IYD: variants seen among roughly 807,000 people sequenced by gnomAD.
IYD encodes the protein iodotyrosine deiodinase.
In IYD, 25 loss-of-function variants were observed where a neutral mutation model predicts 28.4. The observed-to-expected ratio is 0.88, with a 90% CI of 0.64 to 1.23. The LOEUF is 1.23. IYD is among the 50% of genes most tolerant of loss of function. The pLI, the probability that IYD is intolerant of heterozygous loss-of-function variation, is 0.00. For missense variants in IYD, 352 were observed against 357.9 expected, an observed-to-expected ratio of 0.98 and a Z score of 0.13; for synonymous variants, 140 against 130.8, an observed-to-expected ratio of 1.07 and a Z score of -0.48.
chr6:150,395,418 G>A (rs889107442), intron 4 of IYD: 2 of 1,537,106 alleles, frequency 1.3e-6, no homozygotes, highest in Non-Finnish European at 8.7e-7. Flanking sequence ...TATCCTGAAG[G>A]AGCTGGCATT....
intron 1 of IYD, among the ~76,000 whole-genome samples, chr6:150,381,520 A>C (rs768659738): frequency 1.3e-5 from 2 of 152,348 alleles, no homozygotes; most frequent in African/African-American, 4.8e-5. Context: ...CAGCTTAACA[A>C]ATAAGTATTA....
Position 150,376,587 on chromosome 6 carries a change from C to A in IYD, c.178+7378C>A, listed in dbSNP as rs1363400472. 2.0e-5 allele frequency among the ~76,000 whole-genome samples: 3 copies of A among 152,284 alleles called. No homozygotes were observed. The East Asian group carries it at 5.8e-4, about 29-fold the overall frequency. ...GGTTGTCTCTGTCTGCCTGGATTCC[C>A]AGGCAAGGGATCTTAAGACAATTAC... On this transcript the variant is annotated intron_variant, in intron 1 of 4. Transcript: ENST00000344419.
intron 4 of IYD, chr6:150,395,989 AC>A (rs1227101240): frequency 2.9e-6 from 1 of 350,818 alleles, no homozygotes; most frequent in Non-Finnish European, 5.2e-6. Flanking sequence ...AGTCATAGGA[AC>A]TTGCCGTGGT....
chr6:150,375,638 A>G (rs1349208087), intron 1 of IYD, among the ~76,000 whole-genome samples: 1 of 70,170 alleles, frequency 1.4e-5, no homozygotes, highest in Non-Finnish European at 4.3e-5. Flanking sequence ...ATGCTTGATT[A>G]TAACTACTTC....
At position 150,400,955 on chromosome 6, in the gene IYD, T is replaced by C. The variant is rs1377788403; in HGVS notation, c.*2718T>C. ...GTGGATCTGGTGGTAGGTGATATTG[T>C]TAGTGATGTGAGTGATGCCTGCTGA... On this transcript the variant is annotated 3_prime_UTR_variant, in exon 5 of 5. Transcript: ENST00000344419. The C allele has an allele frequency of 6.6e-6, 1 of 152,142 alleles. No individual in the cohort carries two copies. The highest frequency in any genetic ancestry group is 6.5e-5 in the Admixed American group (1 of 15,272). 9.4% of individuals were successfully genotyped at this position (152,142 alleles called of 1,614,324 possible). A position where few individuals can be genotyped will look rare whatever the true frequency, so the allele number is the denominator to read the frequency against.
At position 150,403,907 on chromosome 6, in the gene IYD, G is replaced by T. The variant is rs1778578136; in HGVS notation, c.*5670G>T. ...AATGAGATCATAAAGGAAGTTGTTA[G>T]CTAACCTAGGTGGAGTCGCCAACTT... is the stretch of plus-strand genomic sequence containing the variant. On this transcript the variant is annotated 3_prime_UTR_variant, in exon 5 of 5. Transcript: ENST00000344419. 1 of 152,194 alleles carries T rather than the reference G, an allele frequency of 6.6e-6. No individual in the cohort carries two copies. The highest frequency in any genetic ancestry group is 2.4e-5 in the African/African-American group (1 of 41,450). The allele number at this position is 152,194 out of a possible 1,614,324, so 9.4% of individuals were successfully genotyped here.
At position 150,387,446 on chromosome 6, in the gene IYD, A is replaced by T. The variant is rs556137811; in HGVS notation, c.179-1906A>T. Among the ~76,000 whole-genome samples the T allele has an allele frequency of 8.8e-3, 1,298 of 147,014 alleles. 13 individuals carry two copies. The highest frequency in any genetic ancestry group is 0.028 in the African/African-American group (1,074 of 38,182). On this transcript the variant is annotated intron_variant, in intron 1 of 4. Transcript: ENST00000344419. The stretch of plus-strand genomic sequence containing the variant: ...AGTTCTTGTAAAAAAAAAAAAAAAA[A>T]AAGAATTTACCAGCCCTCTTGAATC...
intron 1 of IYD, among the ~76,000 whole-genome samples, chr6:150,375,365 G>C (rs956323786): frequency 1.3e-5 from 2 of 152,168 alleles, no homozygotes; most frequent in Non-Finnish European, 1.5e-5. Flanking sequence ...GTATTCTCAT[G>C]CTGATTCCAC....
intron 1 of IYD, 43 bp downstream of exon 1, chr6:150,369,252 T>C: frequency 6.3e-7 from 1 of 1,586,984 alleles, no homozygotes; most frequent in Non-Finnish European, 8.6e-7. Context: ...TGTCGTGTTG[T>C]GTTGATGATG....
intron 2 of IYD, among the ~76,000 whole-genome samples, chr6:150,391,733 A>C (rs548609098): frequency 6.6e-6 from 1 of 152,160 alleles, no homozygotes; most frequent in African/African-American, 2.4e-5. Flanking sequence ...TTTGAGACAG[A>C]GTTTCATTCT....
chr6:150,382,966 T>G (rs1285623336), intron 1 of IYD, among the ~76,000 whole-genome samples: 1 of 152,232 alleles, frequency 6.6e-6, no homozygotes, highest in Non-Finnish European at 1.5e-5. Flanking sequence ...TTAATGGTTC[T>G]TATTCATAAC....
intron 1 of IYD, among the ~76,000 whole-genome samples, chr6:150,383,783 A>C (rs1777740962): frequency 7.6e-6 from 1 of 131,186 alleles, no homozygotes; most frequent in African/African-American, 2.9e-5. Flanking sequence ...ACATAATGAG[A>C]CCAAGTCTCT....
chr6:150,379,450 C>T (rs986579595), intron 1 of IYD, among the ~76,000 whole-genome samples: 2 of 152,176 alleles, frequency 1.3e-5, no homozygotes, highest in Non-Finnish European at 2.9e-5. Flanking sequence ...CATGCCATCC[C>T]CTTGGGAATC....
chr6:150,393,929 T>C (rs1468753247), intron 3 of IYD, among the ~76,000 whole-genome samples, 170 bp from the exon 4 acceptor site: 1 of 152,190 alleles, frequency 6.6e-6, no homozygotes, highest in African/African-American at 2.4e-5. Flanking sequence ...AATTGAATGA[T>C]CCTGGTCAGA....
chr6:150,392,497 A>ATT lies in IYD; in HGVS notation c.523_524insTT (p.Lys175IlefsTer3). 6.2e-7 allele frequency: 1 copy of ATT among 1,613,870 alleles called. No homozygotes were observed. The highest frequency in any genetic ancestry group is 1.7e-5 in the Admixed American group (1 of 60,022). Reference sequence around the variant, plus strand: ...ACATCGCTGGGTCACAGACCTCAAGAAACTGAGGTACAAACAGTGGTGGAA... The same window carrying ATT: ...ACATCGCTGGGTCACAGACCTCAAGATTAACTGAGGTACAAACAGTGGTGGAA... On this transcript the variant is annotated frameshift_variant, in exon 3 of 5. Coordinates refer to ENST00000344419, the MANE Select transcript of IYD (RefSeq NM_203395.3). LOFTEE classifies it high-confidence loss of function.
rs1778514167 is a variant in IYD, at chr6:150,401,663, C to G, written c.*3426C>G. 6.6e-6 allele frequency: 1 copy of G among 152,122 alleles called. No individual in the cohort carries two copies. Among genetic ancestry groups the G allele is most frequent in the South Asian group, 2.1e-4 (1 of 4,814 alleles). 9.4% of individuals were successfully genotyped at this position (152,122 alleles called of 1,614,324 possible). A position where few individuals can be genotyped will look rare whatever the true frequency, so the allele number is the denominator to read the frequency against. On this transcript the variant is annotated 3_prime_UTR_variant, in exon 5 of 5. Coordinates refer to ENST00000344419, the MANE Select transcript of IYD (RefSeq NM_203395.3). The stretch of plus-strand genomic sequence containing the variant: ...CTTTTATGTGTTCATTAAATGCAGT[C>G]ATGTGACAACTGTGTTCAAAGTTAG...
chr6:150,398,269 G>T lies in IYD; in HGVS notation c.*32G>T. 6.2e-7 allele frequency: 1 copy of T among 1,606,516 alleles called. No homozygotes were observed. Among genetic ancestry groups the T allele is most frequent in the Non-Finnish European group, 8.5e-7 (1 of 1,173,998 alleles). On this transcript the variant is annotated 3_prime_UTR_variant, in exon 5 of 5. Coordinates refer to ENST00000344419, the MANE Select transcript of IYD (RefSeq NM_203395.3). ...CCCCCCAAGGGAGTGGCAGGGAGAT[G>T]GCGCCCCTGCTTTTCCCTGAGCCTC... is the stretch of plus-strand genomic sequence containing the variant.
intron 1 of IYD, among the ~76,000 whole-genome samples, chr6:150,383,150 T>G (rs1777713577): frequency 6.6e-6 from 1 of 152,222 alleles, no homozygotes; most frequent in African/African-American, 2.4e-5. Context: ...TAACCTAAGG[T>G]CAAACCCTGT....
intron 1 of IYD, among the ~76,000 whole-genome samples, chr6:150,387,440 A>T (rs1777910520): frequency 6.6e-6 from 1 of 151,782 alleles, no homozygotes; most frequent in African/African-American, 2.4e-5. Flanking sequence ...AAAAAAAAAA[A>T]AAAAAAAAGA....
Sources: allele counts gnomAD v4.1 joint callset (sites outside exome capture counted in the v4.1 genomes callset), GRCh38; gene constraint gnomAD v4.1.1; transcripts MANE v1.5; gene names NCBI Gene and HGNC (gene_info 2026-07-23, HGNC 2026-07-21).